Variants in FYB2 observed in about 807,000 individuals in gnomAD.
FYB2 encodes the protein FYN binding protein 2, also known as FYN-binding protein 2.
In FYB2, 103 loss-of-function variants were observed where a neutral mutation model predicts 94.1. The observed-to-expected ratio is 1.09, with a 90% CI of 0.93 to 1.29. The LOEUF (loss-of-function observed/expected upper bound fraction) is 1.29. FYB2 is among the 50% of genes most tolerant of loss of function. FYB2 has a pLI of 0.00. For synonymous variants in FYB2, 293 were observed against 287.9 expected, an observed-to-expected ratio of 1.02 and a Z score of -0.18; for missense variants, 896 against 841.5, an observed-to-expected ratio of 1.06 and a Z score of -0.80.
At chr1:56,812,272 T>G (rs1646784697) in intron 1 of FYB2, among the ~76,000 whole-genome samples, 1 of 152,208 alleles carries the variant, frequency 6.6e-6, no homozygotes, top group Admixed American at 6.5e-5. Context: ...AGACCTAGAC[T>G]CAAATTCAGG....
rs369518158 is a variant in FYB2, at chr1:56,719,602, G to A, written c.*69C>T. 23 of 1,364,632 alleles carry A rather than the reference G, an allele frequency of 1.7e-5. No individual in the cohort carries two copies. The highest frequency in any genetic ancestry group is 2.3e-5 in the Non-Finnish European group (23 of 994,220). 84.5% of individuals were successfully genotyped at this position (1,364,632 alleles called of 1,614,324 possible). The stretch of plus-strand genomic sequence containing the variant: ...TTTTGACATGTAAACTGAAACTGAT[G>A]TAACGCAGGACTAGGATCTTAGGAC... On this transcript the variant is annotated 3_prime_UTR_variant, in exon 20 of 20. Transcript: ENST00000343433.
intron 1 of FYB2, among the ~76,000 whole-genome samples, chr1:56,818,496 A>ACACG (rs1646936940): frequency 7.7e-6 from 1 of 129,206 alleles, no homozygotes; most frequent in Non-Finnish European, 1.7e-5. Context: ...ACACACACAC[A>ACACG]CACATGCACA....
rs376415404 is a variant in FYB2, at chr1:56,789,245, C to A, written c.758-111G>T. The A allele has an allele frequency of 5.5e-5, 68 of 1,243,698 alleles. No individual in the cohort carries two copies. The South Asian group carries it at 6.4e-4, about 12-fold the overall frequency. The allele number at this position is 1,243,698 out of a possible 1,614,324, so 77.0% of individuals were successfully genotyped here. ...AAGTCCCGTCCAATCTATTCTCCAC[C>A]CAACAGCTAGAGTGCCCTGATCAAT... On this transcript the variant is annotated intron_variant, in intron 2 of 19. Coordinates refer to ENST00000343433, the MANE Select transcript of FYB2 (RefSeq NM_001004303.5).
chr1:56,776,809 C>T (rs987288131), intron 4 of FYB2, among the ~76,000 whole-genome samples: 1 of 152,158 alleles, frequency 6.6e-6, no homozygotes, highest in African/African-American at 2.4e-5. Flanking sequence ...TACAAACAAA[C>T]AACAAATCTC....
chr1:56,758,680 AC>A (rs767171664), intron 6 of FYB2, 35 bp downstream of exon 6: 1 of 1,512,050 alleles, frequency 6.6e-7, no homozygotes, highest in Admixed American at 1.9e-5. Flanking sequence ...TGCTTATTTT[AC>A]TTTTAGTTAC....
rs146426343 is a variant in FYB2 at position 56,728,917 on chromosome 1, A to G, written c.1794-2334T>C. Among the ~76,000 whole-genome samples the G allele has an allele frequency of 2.2e-3, 328 of 152,312 alleles. 1 individual carries two copies. Among genetic ancestry groups the G allele is most frequent in the African/African-American group, 7.6e-3 (318 of 41,586 alleles). On this transcript the variant is annotated intron_variant, in intron 15 of 19. Coordinates refer to ENST00000343433, the MANE Select transcript of FYB2 (RefSeq NM_001004303.5). Reference sequence around the variant, plus strand: ...CAACACCTAGCACAGTGCCTTGCACAAAGGACATGTTCAATAAATATTTGT... The same window carrying G: ...CAACACCTAGCACAGTGCCTTGCACGAAGGACATGTTCAATAAATATTTGT...
At chr1:56,802,627 A>T (rs1009775359) in intron 1 of FYB2, among the ~76,000 whole-genome samples, 3 of 152,212 alleles carry the variant, frequency 2.0e-5, no homozygotes, top group Admixed American at 6.5e-5. Context: ...GAAGAAAGAA[A>T]GCCATTATTC....
At chr1:56,746,423 TTC>T (rs1645068963) in intron 9 of FYB2, among the ~76,000 whole-genome samples, 1 of 152,016 alleles carries the variant, frequency 6.6e-6, no homozygotes, top group Admixed American at 6.6e-5. Context: ...CTTTCTGCCA[TTC>T]TGTTTTCTTT....
At chr1:56,825,511 G>A in the FYB2 span, among the ~76,000 whole-genome samples, 40,381 of 151,928 alleles carry the variant, frequency 0.27, 5,475 homozygotes, top group Middle Eastern at 0.31. Context: ...TCTAGGTTAG[G>A]CCAAGATACA....
chr1:56,771,293 T>A (rs1321429001), intron 4 of FYB2, among the ~76,000 whole-genome samples: 2 of 152,132 alleles, frequency 1.3e-5, no homozygotes, highest in Non-Finnish European at 2.9e-5. Flanking sequence ...GCAATTATGA[T>A]GAACAAATGA....
At chr1:56,756,494 G>T (rs940986158) in intron 6 of FYB2, among the ~76,000 whole-genome samples, 2 of 152,052 alleles carry the variant, frequency 1.3e-5, no homozygotes, top group Non-Finnish European at 2.9e-5. Context: ...ACTCTGAGAA[G>T]AATAGAAAAT....
At chr1:56,770,026 A>G (rs1645717538) in intron 4 of FYB2, among the ~76,000 whole-genome samples, 2 of 152,218 alleles carry the variant, frequency 1.3e-5, no homozygotes, top group African/African-American at 2.4e-5. Flanking sequence ...AGTGTGACTG[A>G]TGAAGAAAAT....
At chr1:56,761,007 A>T (rs1263246983) in intron 5 of FYB2, among the ~76,000 whole-genome samples, 1 of 152,300 alleles carries the variant, frequency 6.6e-6, no homozygotes, top group East Asian at 1.9e-4. Flanking sequence ...ACAGAGTTAT[A>T]TAACCCTCTC....
intron 19 of FYB2, 36 bp downstream of exon 19, chr1:56,719,986 A>G (rs1644454728): frequency 1.9e-6 from 3 of 1,543,606 alleles, no homozygotes; most frequent in Non-Finnish European, 1.8e-6. Context: ...ATGTATTAGG[A>G]ACTCATGATT....
Position 56,792,650 on chromosome 1 carries a change from G to T in FYB2, c.163C>A (p.Leu55Ile). 6.2e-7 allele frequency: 1 copy of T among 1,614,038 alleles called. No individual in the cohort carries two copies. Among genetic ancestry groups the T allele is most frequent in the South Asian group, 1.1e-5 (1 of 91,066 alleles). The change falls in exon 2 of 20, where the codon CTC becomes ATC. Residue 55 changes from leucine to isoleucine, a missense_variant. By Grantham distance (5) the Leu-to-Ile change is conservative. Transcript: ENST00000343433. ...STQILANGKP[L>I]SSNHKQRTPY... ...GTGCGCTGCTTGTGGTTGGATGAGAGGGGTTTCCCATTGGCCAAAATTTGA... is the reference window on the plus strand; with the variant it reads ...GTGCGCTGCTTGTGGTTGGATGAGATGGGTTTCCCATTGGCCAAAATTTGA...
chr1:56,752,370 C>G (rs963113806), intron 8 of FYB2, among the ~76,000 whole-genome samples: 1 of 151,898 alleles, frequency 6.6e-6, no homozygotes, highest in Non-Finnish European at 1.5e-5. Flanking sequence ...TTATAATTGT[C>G]CAATGAGAGA....
At chr1:56,758,150 T>A (rs1645403273) in intron 6 of FYB2, among the ~76,000 whole-genome samples, 1 of 152,068 alleles carries the variant, frequency 6.6e-6, no homozygotes, top group South Asian at 2.1e-4. Context: ...AAGCACTTAC[T>A]AATAAGCTGT....
At chr1:56,732,254 A>G (rs857128) in intron 15 of FYB2, among the ~76,000 whole-genome samples, 5 of 152,012 alleles carry the variant, frequency 3.3e-5, no homozygotes, top group Non-Finnish European at 5.9e-5. Flanking sequence ...ACAAAAATAC[A>G]TAGGAATAAA....
At chr1:56,784,214 T>A (rs1482746891) in intron 4 of FYB2, among the ~76,000 whole-genome samples, 1 of 152,168 alleles carries the variant, frequency 6.6e-6, no homozygotes, top group Non-Finnish European at 1.5e-5. Flanking sequence ...CTTAGATGTT[T>A]TAAGAATTTT....
Sources: allele counts gnomAD v4.1 joint callset (sites outside exome capture counted in the v4.1 genomes callset), GRCh38; gene constraint gnomAD v4.1.1; transcripts MANE v1.5; gene names NCBI Gene and HGNC (gene_info 2026-07-23, HGNC 2026-07-21).